The following MACROH2A2 variants were observed in gnomAD, a reference collection of about 807,000 sequenced individuals.
The protein encoded by MACROH2A2 is core histone macro-H2A.2.
Under a neutral mutation model 37.6 loss-of-function variants are expected in MACROH2A2, and 6 were observed. The ratio of observed to expected loss-of-function variants is 0.16; its 90% CI spans 0.09 to 0.32. MACROH2A2 has a LOEUF of 0.32. MACROH2A2 is among the 10% of genes least tolerant of loss of function. The pLI, the probability that MACROH2A2 is intolerant of heterozygous loss-of-function variation, is 1.00. For synonymous variants in MACROH2A2, 192 were observed against 202.7 expected (o/e 0.95, Z 0.45); for missense variants, 290 against 485.9 (o/e 0.60, Z 3.79).
At position 70,062,762 on chromosome 10, in the gene MACROH2A2, A is replaced by G. The variant is rs375812740; in HGVS notation, c.-60+9762A>G. 1.3e-3 allele frequency among the ~76,000 whole-genome samples: 195 copies of G among 152,336 alleles called. 1 individual carries two copies. Among genetic ancestry groups the G allele is most frequent in the African/African-American group, 4.4e-3 (184 of 41,580 alleles). On this transcript the variant is annotated intron_variant, in intron 1 of 8. Transcript: ENST00000373255. ...AGCCTCGTTGTAGAAGCTTGACTGT[A>G]GAAAAAAATGGTCATTTAAGTCAGG...
At chr10:70,089,553 A>G (rs1470895689) in intron 2 of MACROH2A2, among the ~76,000 whole-genome samples, 2 of 152,106 alleles carry the variant, frequency 1.3e-5, no homozygotes, top group Non-Finnish European at 2.9e-5. Flanking sequence ...ACAGAACCAC[A>G]CTTATCAAGG....
chr10:70,111,039 C>G (rs1053891846), intron 8 of MACROH2A2, among the ~76,000 whole-genome samples: 1 of 152,162 alleles, frequency 6.6e-6, no homozygotes, highest in African/African-American at 2.4e-5. Flanking sequence ...GAGGCCGAGG[C>G]AGGCGGATCA....
chr10:70,099,521 A>T (rs927927684), intron 6 of MACROH2A2: 2 of 152,208 alleles, frequency 1.3e-5, no homozygotes, highest in Admixed American at 1.3e-4. Flanking sequence ...CACCCATGTC[A>T]TCTCAGAGAC....
intron 1 of MACROH2A2, among the ~76,000 whole-genome samples, chr10:70,064,822 A>T (rs2072070033): frequency 6.6e-6 from 1 of 151,970 alleles, no homozygotes; most frequent in South Asian, 2.1e-4. Flanking sequence ...CCAGTTTTGC[A>T]TGTGTCTTTA....
intron 2 of MACROH2A2, among the ~76,000 whole-genome samples, chr10:70,087,939 T>C (rs1383738735): frequency 6.6e-6 from 1 of 152,250 alleles, no homozygotes; most frequent in East Asian, 1.9e-4. Flanking sequence ...TAATACAGCA[T>C]ACTTATGTCA....
At chr10:70,104,823 A>C (rs975967887) in intron 7 of MACROH2A2, among the ~76,000 whole-genome samples, 2 of 152,222 alleles carry the variant, frequency 1.3e-5, no homozygotes, top group African/African-American at 2.4e-5. Context: ...AAGGAAATGT[A>C]ATTTCTTTCT....
chr10:70,066,340 A>G (rs527521694), intron 1 of MACROH2A2, among the ~76,000 whole-genome samples: 1 of 152,304 alleles, frequency 6.6e-6, no homozygotes, highest in South Asian at 2.1e-4. Context: ...AGAAAGAAAG[A>G]AAACAAAGTT....
chr10:70,087,573 C>T (rs146726018), intron 2 of MACROH2A2, among the ~76,000 whole-genome samples: 27 of 152,256 alleles, frequency 1.8e-4, no homozygotes, highest in Non-Finnish European at 3.2e-4. Flanking sequence ...GAAGAGAAAG[C>T]AAGGATTGGG....
At chr10:70,057,024 T>C (rs1287397495) in intron 1 of MACROH2A2, among the ~76,000 whole-genome samples, 1 of 152,066 alleles carries the variant, frequency 6.6e-6, no homozygotes, top group Non-Finnish European at 1.5e-5. Context: ...TATTGGGAAT[T>C]AGGTTGGAGG....
intron 7 of MACROH2A2, among the ~76,000 whole-genome samples, chr10:70,102,891 T>A (rs1430661303): frequency 6.7e-6 from 1 of 149,632 alleles, no homozygotes; most frequent in Non-Finnish European, 1.5e-5. Context: ...TAAGCCTCCA[T>A]GTAGACAGAG....
chr10:70,064,071 TCAAA>T (rs1369909657), intron 1 of MACROH2A2, among the ~76,000 whole-genome samples: 1 of 152,278 alleles, frequency 6.6e-6, no homozygotes, highest in African/African-American at 2.4e-5. Flanking sequence ...TCTAAAGCAA[TCAAA>T]CAACTACAAG....
At chr10:70,090,616 T>C (rs1336627304) in intron 3 of MACROH2A2, among the ~76,000 whole-genome samples, 1 of 152,222 alleles carries the variant, frequency 6.6e-6, no homozygotes, top group African/African-American at 2.4e-5. Flanking sequence ...AGGTAAATAG[T>C]ATAAGAATTT....
chr10:70,108,340 G>C (rs766193331), intron 7 of MACROH2A2, among the ~76,000 whole-genome samples: 1 of 152,200 alleles, frequency 6.6e-6, no homozygotes, highest in Non-Finnish European at 1.5e-5. Flanking sequence ...CTGGAGGCCA[G>C]AAGTCCACAA....
At chr10:70,079,763 G>A (rs1208758362) in intron 2 of MACROH2A2, among the ~76,000 whole-genome samples, 2 of 152,124 alleles carry the variant, frequency 1.3e-5, no homozygotes, top group African/African-American at 2.4e-5. Flanking sequence ...CAGGACCAAG[G>A]GTGCACAGTG....
intron 1 of MACROH2A2, among the ~76,000 whole-genome samples, chr10:70,062,337 G>A (rs2072054827): frequency 6.6e-6 from 1 of 152,116 alleles, no homozygotes; most frequent in African/African-American, 2.4e-5. Context: ...ATATTCTGAA[G>A]CACAATACCA....
chr10:70,100,219 G>GAA lies in MACROH2A2; in HGVS notation c.703_704dup (p.Ala236ArgfsTer11). Reference sequence around the variant, plus strand: ...GCTCTCCTTTGCAGGTAAAGCCTTGGAAAAGGCTGGGGGAAAAGAGTTCTT... The same window carrying GAA: ...GCTCTCCTTTGCAGGTAAAGCCTTGGAAAAAAGGCTGGGGGAAAAGAGTTCTT... On this transcript the variant is annotated frameshift_variant, in exon 7 of 9. Coordinates refer to ENST00000373255, the MANE Select transcript of MACROH2A2 (RefSeq NM_018649.3). LOFTEE classifies it high-confidence loss of function. 6.2e-7 allele frequency: 1 copy of GAA among 1,601,728 alleles called. No individual in the cohort carries two copies. Among genetic ancestry groups the GAA allele is most frequent in the Non-Finnish European group, 8.6e-7 (1 of 1,169,178 alleles).
At chr10:70,081,531 C>T (rs1263147027) in intron 2 of MACROH2A2, among the ~76,000 whole-genome samples, 1 of 151,910 alleles carries the variant, frequency 6.6e-6, no homozygotes, top group African/African-American at 2.4e-5. Flanking sequence ...GCGTGTGACG[C>T]GTCAGAGGCC....
chr10:70,077,857 T>C (rs2136626618), intron 2 of MACROH2A2, among the ~76,000 whole-genome samples: 1 of 152,292 alleles, frequency 6.6e-6, no homozygotes, highest in East Asian at 1.9e-4. Flanking sequence ...GAACAGACTT[T>C]GAGAAGAGTT....
At chr10:70,078,001 G>A (rs1476889115) in intron 2 of MACROH2A2, among the ~76,000 whole-genome samples, 1 of 152,172 alleles carries the variant, frequency 6.6e-6, no homozygotes, top group African/African-American at 2.4e-5. Flanking sequence ...AAGCCACGCA[G>A]TTTTGCTGCC....
Sources: gnomAD v4.1 joint callset for allele counts (sites outside exome capture counted in the v4.1 genomes callset) on GRCh38, gnomAD v4.1.1 for gene constraint, MANE v1.5 for transcripts, NCBI Gene and HGNC (gene_info 2026-07-23, HGNC 2026-07-21) for gene names.